Variants in ASAP1 observed in about 807,000 individuals in gnomAD.
ASAP1 encodes ArfGAP with SH3 domain, ankyrin repeat and PH domain 1.
A neutral mutation model predicts 145.2 loss-of-function variants in ASAP1; 43 were observed. The ratio of observed to expected loss-of-function variants is 0.30; its 90% CI spans 0.23 to 0.38. ASAP1 has a LOEUF of 0.38. Ranked by LOEUF, ASAP1 falls within the 10% of genes least tolerant of loss-of-function variation. ASAP1 has a pLI of 1.00. For missense variants in ASAP1, 1,018 were observed against 1,355.3 expected (o/e 0.75, Z 3.91); for synonymous variants, 546 against 515.5 (o/e 1.06, Z -0.80).
intron 2 of ASAP1, among the ~76,000 whole-genome samples, chr8:130,377,759 C>A (rs549786586): frequency 6.6e-6 from 1 of 152,298 alleles, no homozygotes; most frequent in African/African-American, 2.4e-5. Flanking sequence ...GCTCTCCAGG[C>A]TCCAGCCCTC....
chr8:130,127,496 C>T (rs563618970), intron 16 of ASAP1, among the ~76,000 whole-genome samples: 20 of 152,252 alleles, frequency 1.3e-4, no homozygotes, highest in South Asian at 6.2e-4. Flanking sequence ...GGATTACAGG[C>T]GTGAGCCACC....
intron 5 of ASAP1, among the ~76,000 whole-genome samples, chr8:130,198,134 ATTTT>A (rs200376344): frequency 1.4e-5 from 2 of 139,750 alleles, no homozygotes; most frequent in African/African-American, 2.6e-5. Flanking sequence ...TTTTCATAAG[ATTTT>A]TTTTTTTTTT....
At chr8:130,241,137 T>C (rs940553113) in intron 3 of ASAP1, among the ~76,000 whole-genome samples, 1 of 152,102 alleles carries the variant, frequency 6.6e-6, no homozygotes, top group Non-Finnish European at 1.5e-5. Flanking sequence ...TTTGAACTAG[T>C]TGATTGCTCT....
intron 18 of ASAP1, among the ~76,000 whole-genome samples, chr8:130,120,703 G>A (rs929526881): frequency 6.6e-5 from 10 of 152,180 alleles, no homozygotes; most frequent in Non-Finnish European, 1.5e-4. Context: ...GATGCAGAGG[G>A]TGCTCAGGTA....
At chr8:130,106,583 G>A (rs2097537168) in intron 24 of ASAP1, among the ~76,000 whole-genome samples, 3 of 152,222 alleles carry the variant, frequency 2.0e-5, no homozygotes, top group Admixed American at 2.0e-4. Flanking sequence ...ATCTGGTTTA[G>A]TTTTATAAAT....
At chr8:130,299,392 C>T (rs1822484171) in intron 3 of ASAP1, among the ~76,000 whole-genome samples, 1 of 152,216 alleles carries the variant, frequency 6.6e-6, no homozygotes, top group African/African-American at 2.4e-5. Context: ...AAGTAGGTCA[C>T]AAATAAACTC....
chr8:130,300,434 C>A (rs1444022526), intron 3 of ASAP1, among the ~76,000 whole-genome samples: 1 of 152,170 alleles, frequency 6.6e-6, no homozygotes, highest in Non-Finnish European at 1.5e-5. Flanking sequence ...CCTTGTGTAG[C>A]TGGTATAACC....
intron 20 of ASAP1, 39 bp downstream of exon 20, chr8:130,118,122 C>T (rs763853412): frequency 3.2e-6 from 5 of 1,544,162 alleles, no homozygotes; most frequent in Non-Finnish European, 4.5e-6. Flanking sequence ...ATTTATAAGG[C>T]ATATTCAGGT....
intron 3 of ASAP1, among the ~76,000 whole-genome samples, chr8:130,238,526 G>T (rs1818345022): frequency 6.6e-6 from 1 of 151,978 alleles, no homozygotes; most frequent in Non-Finnish European, 1.5e-5. Flanking sequence ...TGCAACCACA[G>T]GTCCTAAGTA....
chr8:130,395,458 G>C (rs1194639556), intron 2 of ASAP1, among the ~76,000 whole-genome samples: 4 of 152,202 alleles, frequency 2.6e-5, no homozygotes, highest in African/African-American at 4.8e-5. Flanking sequence ...CCTTGTAAGA[G>C]AGAAGAGAGG....
chr8:130,237,048 A>T (rs1199792072), intron 3 of ASAP1, 54 bp from the exon 4 acceptor site: 3 of 1,352,516 alleles, frequency 2.2e-6, no homozygotes, highest in African/African-American at 1.5e-5. Context: ...AATTAAAAAA[A>T]TAATAAGAAA....
intron 15 of ASAP1, among the ~76,000 whole-genome samples, chr8:130,133,820 C>G (rs78555250): frequency 0.017 from 2,661 of 152,332 alleles, 36 homozygotes; most frequent in East Asian, 0.053. Context: ...TCCTTCAGGG[C>G]CTGGCTCACC....
chr8:130,390,145 A>T lies in ASAP1; in HGVS notation c.59+11740T>A, dbSNP rs370704369. On this transcript the variant is annotated intron_variant, in intron 2 of 29. Transcript: ENST00000518721. Reference sequence around the variant, plus strand: ...TGCATATTCAAGCATGAGAACCAGGAAAGAATGCTCACTATTACCTCGCTT... The same window carrying T: ...TGCATATTCAAGCATGAGAACCAGGTAAGAATGCTCACTATTACCTCGCTT... Among the ~76,000 whole-genome samples the T allele has an allele frequency of 2.6e-5, 4 of 152,206 alleles. No homozygotes were observed. The East Asian group carries it at 7.7e-4, about 29-fold the overall frequency.
At chr8:130,089,846 T>A (rs544409701) in intron 25 of ASAP1, among the ~76,000 whole-genome samples, 276 of 152,308 alleles carry the variant, frequency 1.8e-3, no homozygotes, top group Middle Eastern at 3.4e-3. Context: ...TAAAAAAAAA[T>A]TTAAATTGTT....
chr8:130,421,690 C>A (rs894327268), intron 1 of ASAP1, among the ~76,000 whole-genome samples: 1 of 152,058 alleles, frequency 6.6e-6, no homozygotes, highest in Non-Finnish European at 1.5e-5. Context: ...AGACTCCCAC[C>A]GAACTAGAAA....
intron 5 of ASAP1, among the ~76,000 whole-genome samples, chr8:130,188,808 A>G (rs1436411280): frequency 6.6e-6 from 1 of 152,042 alleles, no homozygotes; most frequent in Admixed American, 6.6e-5. Context: ...TAAACACTAT[A>G]CTACAGTACA....
intron 18 of ASAP1, among the ~76,000 whole-genome samples, chr8:130,122,804 A>G (rs1372535925): frequency 6.6e-6 from 1 of 152,252 alleles, no homozygotes; most frequent in Non-Finnish European, 1.5e-5. Flanking sequence ...CACAAAGCTG[A>G]CCAGGTGGCG....
intron 9 of ASAP1, among the ~76,000 whole-genome samples, chr8:130,173,118 T>A (rs1813698827): frequency 6.6e-6 from 1 of 152,228 alleles, no homozygotes; most frequent in African/African-American, 2.4e-5. Context: ...CAACATTTTC[T>A]CTGGGATGAA....
chr8:130,375,303 T>C (rs1827431038), intron 2 of ASAP1, among the ~76,000 whole-genome samples: 1 of 151,518 alleles, frequency 6.6e-6, no homozygotes, highest in Admixed American at 6.6e-5. Flanking sequence ...GAATGGGCCA[T>C]GGAGAGTGAG....
Sources: allele counts gnomAD v4.1 joint callset (sites outside exome capture counted in the v4.1 genomes callset), GRCh38; gene constraint gnomAD v4.1.1; transcripts MANE v1.5; gene names NCBI Gene and HGNC (gene_info 2026-07-23, HGNC 2026-07-21).